MMP28: variants seen among roughly 807,000 people sequenced by gnomAD.
MMP28 encodes the protein matrix metallopeptidase 28, also known as matrix metalloproteinase-28.
Under a neutral mutation model 60.5 loss-of-function variants are expected in MMP28, and 55 were observed. The ratio of observed to expected loss-of-function variants is 0.91; its 90% CI spans 0.73 to 1.14. The LOEUF (loss-of-function observed/expected upper bound fraction) is 1.14, where lower values mean the gene tolerates loss of function less well. Among genes scored for constraint, MMP28 ranks in the 50% most tolerant of loss-of-function variants. MMP28 has a pLI of 0.00. For missense variants in MMP28, 686 were observed against 738.3 expected (o/e 0.93, Z 0.82); for synonymous variants, 318 against 312.5 (o/e 1.02, Z -0.18).
downstream of MMP28, chr17:35,764,043 A>G: frequency 4.5e-6 from 7 of 1,548,244 alleles, no homozygotes; most frequent in Non-Finnish European, 5.2e-6. Context: ...GAAACGGAAG[A>G]GCTCCGGGCC....
chr17:35,792,429 C>A (rs1335565382), intron 1 of MMP28, among the ~76,000 whole-genome samples: 1 of 152,202 alleles, frequency 6.6e-6, no homozygotes, highest in African/African-American at 2.4e-5. Flanking sequence ...AGCCAACAGC[C>A]AGCATCGACT....
chr17:35,763,052 G>A (rs1346826102), downstream of MMP28, among the ~76,000 whole-genome samples: 4 of 151,734 alleles, frequency 2.6e-5, no homozygotes, highest in Admixed American at 2.0e-4. Flanking sequence ...AACCCGGCAG[G>A]TGGAGCTTGC....
At chr17:35,784,999 T>A (rs947302151) in intron 1 of MMP28, among the ~76,000 whole-genome samples, 4 of 152,192 alleles carry the variant, frequency 2.6e-5, no homozygotes, top group African/African-American at 9.7e-5. Context: ...TAAAAGCTTG[T>A]GCCAACATGC....
At chr17:35,783,390 C>A (rs1555609851) in intron 1 of MMP28, among the ~76,000 whole-genome samples, 2 of 152,202 alleles carry the variant, frequency 1.3e-5, no homozygotes, top group Non-Finnish European at 2.9e-5. Flanking sequence ...GCAGTTACAC[C>A]TCTGTTCTCA....
At position 35,787,531 on chromosome 17, in the gene MMP28, C is replaced by T. The variant is rs377354636; in HGVS notation, c.111+7736G>A. ...TTTTAGTCAGAGTCTTGTTCTGTTGCCCAGGCTGGAGTGCAGTGGCATGAC... is the reference window on the plus strand; with the variant it reads ...TTTTAGTCAGAGTCTTGTTCTGTTGTCCAGGCTGGAGTGCAGTGGCATGAC... On this transcript the variant is annotated intron_variant, in intron 1 of 7. Coordinates refer to ENST00000605424, the MANE Select transcript of MMP28 (RefSeq NM_024302.5). 1.7e-4 allele frequency among the ~76,000 whole-genome samples: 26 copies of T among 152,224 alleles called. No homozygotes were observed. In the South Asian group the frequency reaches 4.1e-3, roughly 24 times the overall value.
chr17:35,756,367 C>A, exon 3 of MMP28: 1 of 984,870 alleles, frequency 1.0e-6, no homozygotes, highest in South Asian at 4.7e-5. Context: ...TTCTTTAGGC[C>A]GTTGTTGTTA....
chr17:35,774,467 G>T (rs979354187), intron 3 of MMP28, among the ~76,000 whole-genome samples: 1 of 152,210 alleles, frequency 6.6e-6, no homozygotes, highest in Non-Finnish European at 1.5e-5. Flanking sequence ...CTAATCCAGG[G>T]CTCTTCCATT....
downstream of MMP28, among the ~76,000 whole-genome samples, chr17:35,761,984 C>A (rs2085829530): frequency 6.6e-6 from 1 of 151,934 alleles, no homozygotes. Flanking sequence ...GTTTCTTTTT[C>A]TTTCTTTCTT....
At chr17:35,759,690 C>G (rs920474156) in intron 2 of MMP28, among the ~76,000 whole-genome samples, 11 of 152,058 alleles carry the variant, frequency 7.2e-5, no homozygotes, top group African/African-American at 2.7e-4. Flanking sequence ...GACGGTGAGA[C>G]TCTGTCCGCT....
chr17:35,770,351 A>T, intron 4 of MMP28, 39 bp from the exon 5 acceptor site: 1 of 1,459,130 alleles, frequency 6.9e-7, no homozygotes, highest in African/African-American at 1.4e-5. Context: ...GCCACGGCCC[A>T]CGACGCCCCC....
Position 35,766,955 on chromosome 17 carries a change from C to A in MMP28, c.1169-61G>T, listed in dbSNP as rs530906521. On this transcript the variant is annotated intron_variant, in intron 7 of 7. Coordinates refer to ENST00000605424, the MANE Select transcript of MMP28 (RefSeq NM_024302.5). The surrounding 1 kb of genome is among the most constrained non-coding windows in gnomAD (Gnocchi z 4.3). ...GCTGTCACCCATTGGCCCTCTACCC[C>A]ACTTCTGTCCCCCATACCTCTGCTC... The A allele has an allele frequency of 6.9e-7, 1 of 1,459,818 alleles. No homozygotes were observed. The highest frequency in any genetic ancestry group is 9.3e-7 in the Non-Finnish European group (1 of 1,073,192). The allele number at this position is 1,459,818 out of a possible 1,614,324, so 90.4% of individuals were successfully genotyped here. A position where few individuals can be genotyped will look rare whatever the true frequency, so the allele number is the denominator to read the frequency against.
chr17:35,768,739 G>A (rs1358462306), intron 5 of MMP28, among the ~76,000 whole-genome samples: 1 of 152,226 alleles, frequency 6.6e-6, no homozygotes, highest in Non-Finnish European at 1.5e-5. Flanking sequence ...GAATCCGAGA[G>A]GTGGAGGTTG....
At chr17:35,778,857 C>G (rs1300564320) in intron 3 of MMP28, 31 bp downstream of exon 3, 4 of 1,613,946 alleles carry the variant, frequency 2.5e-6, no homozygotes, top group Non-Finnish European at 3.4e-6. Flanking sequence ...ATTGGGAAAT[C>G]TTGGCCTAGC....
At chr17:35,763,988 A>ACCT (rs1355903220), downstream of MMP28, 5 of 1,525,492 alleles carry the variant, frequency 3.3e-6, no homozygotes, top group African/African-American at 4.2e-5. Flanking sequence ...GACTGCCCTG[A>ACCT]CCTCCTCCCG....
chr17:35,768,431 T>C, intron 5 of MMP28, 52 bp from the exon 6 acceptor site: 1 of 1,455,582 alleles, frequency 6.9e-7, no homozygotes, highest in South Asian at 1.3e-5. Context: ...GGGTAGAGGG[T>C]ATGCTGTGCA....
chr17:35,756,855 G>C (rs935736242), intron 2 of MMP28, among the ~76,000 whole-genome samples: 1 of 152,112 alleles, frequency 6.6e-6, no homozygotes, highest in African/African-American at 2.4e-5. Context: ...GCCTGTCTGA[G>C]TTGTTCTCCA....
intron 1 of MMP28, among the ~76,000 whole-genome samples, chr17:35,783,629 C>A (rs1555609905): frequency 6.6e-6 from 1 of 152,190 alleles, no homozygotes; most frequent in African/African-American, 2.4e-5. Flanking sequence ...ACACACCCAG[C>A]CCTTATCAGG....
Position 35,766,886 on chromosome 17 carries a change from A to T in MMP28, c.1177T>A (p.Cys393Ser), listed in dbSNP as rs1343516538. The T allele has an allele frequency of 2.5e-6, 4 of 1,576,376 alleles. No homozygotes were observed. Among genetic ancestry groups the T allele is most frequent in the Admixed American group, 1.8e-5 (1 of 55,316 alleles). The change falls in exon 8 of 8, where the codon TGC becomes AGC. Residue 393 changes from cysteine to serine, a missense_variant. Transcript: ENST00000605424. The surrounding 1 kb of genome is among the most constrained non-coding windows in gnomAD (Gnocchi z 4.3). ...GGCTTGGGGCCCCGGAACCTCCAGC[A>T]TCGACCCCCTGTGGGGAATTGGGAG... is the stretch of plus-strand genomic sequence containing the variant. The part of the protein sequence containing the change: ...GDFYFFKGGR[C>S]WRFRGPKPVW...
chr17:35,757,605 T>C (rs2085754295), intron 2 of MMP28, among the ~76,000 whole-genome samples: 1 of 152,236 alleles, frequency 6.6e-6, no homozygotes, highest in South Asian at 2.1e-4. Flanking sequence ...GAGCTATTAT[T>C]AGTTAGGCAT....
Sources: allele counts gnomAD v4.1 joint callset (sites outside exome capture counted in the v4.1 genomes callset), GRCh38; gene constraint gnomAD v4.1.1; non-coding constraint Gnocchi (gnomAD v3.1); transcripts MANE v1.5; gene names NCBI Gene and HGNC (gene_info 2026-07-23, HGNC 2026-07-21).